Variants in CSMD3 observed in about 807,000 individuals in gnomAD.
CSMD3 encodes the protein CUB and Sushi multiple domains 3.
In CSMD3, 177 loss-of-function variants were observed where a neutral mutation model predicts 435.2. The ratio of observed to expected loss-of-function variants is 0.41; its 90% CI spans 0.36 to 0.46. The LOEUF (loss-of-function observed/expected upper bound fraction) is 0.46, where lower values mean the gene tolerates loss of function less well. Among genes scored for constraint, CSMD3 ranks in the 20% least tolerant of loss-of-function variants. The probability of loss-of-function intolerance (pLI) is 0.34; values close to 1 mark genes in which losing one functional copy is unlikely to be tolerated. For synonymous variants in CSMD3, 1,656 were observed against 1,520.5 expected (o/e 1.09, Z -2.07); for missense variants, 4,265 against 4,504.6 (o/e 0.95, Z 1.52).
intron 7 of CSMD3, among the ~76,000 whole-genome samples, chr8:112,975,278 T>G (rs2130928099): frequency 6.6e-6 from 1 of 152,182 alleles, no homozygotes; most frequent in South Asian, 2.1e-4. Context: ...AAATGAGAAA[T>G]CTTTCAATGC....
At position 112,336,678 on chromosome 8, in the gene CSMD3, TTC is replaced by T. The variant is rs761550231; in HGVS notation, c.6991_6992del (p.Glu2331ThrfsTer4). The T allele has an allele frequency of 6.2e-7, 1 of 1,612,288 alleles. No individual in the cohort carries two copies. Among genetic ancestry groups the T allele is most frequent in the Non-Finnish European group, 8.5e-7 (1 of 1,178,480 alleles). ...IYINFTVLQT[E>X]PIYDFITVWD... is the part of the protein sequence containing the mutation. ...ATACAGTAATGAAATCATATATTGG[TTC>T]TGTTTGAAGGACAGTAAAATTGATG... On this transcript the variant is annotated frameshift_variant, in exon 44 of 71. Transcript: ENST00000297405. LOFTEE classifies it high-confidence loss of function.
intron 13 of CSMD3, among the ~76,000 whole-genome samples, chr8:112,791,316 T>C (rs1405097870): frequency 2.5e-5 from 1 of 40,576 alleles, no homozygotes; most frequent in Non-Finnish European, 4.2e-5. Context: ...AGGCATATCC[T>C]GTGAAAAAAA....
At position 112,320,786 on chromosome 8, in the gene CSMD3, C is replaced by T. The variant is rs1822924974; in HGVS notation, c.7166-805G>A. On this transcript the variant is annotated intron_variant, in intron 45 of 70. Transcript: ENST00000297405. Reference sequence around the variant, plus strand: ...TGTTAAAGAGAGTTAAAAATTTGCCCAAATCAAGAAGCTATAACGTGACAG... The same window carrying T: ...TGTTAAAGAGAGTTAAAAATTTGCCTAAATCAAGAAGCTATAACGTGACAG... 2.0e-5 allele frequency among the ~76,000 whole-genome samples: 3 copies of T among 152,136 alleles called. No individual in the cohort carries two copies. In the South Asian group the frequency reaches 6.2e-4, roughly 32 times the overall value.
rs1352089535 is a variant in CSMD3 at position 113,030,829 on chromosome 8, G to GA, written c.918-11651dup. Reference sequence around the variant, plus strand: ...AATTCCCAAATGCAACTGTTAAAAAGAAAAAAATTCACAAAATAAGAGGAA... The same window carrying GA: ...AATTCCCAAATGCAACTGTTAAAAAGAAAAAAAATTCACAAAATAAGAGGAA... On this transcript the variant is annotated intron_variant, in intron 5 of 70. Transcript: ENST00000297405. 1.1e-4 allele frequency among the ~76,000 whole-genome samples: 17 copies of GA among 151,214 alleles called. 2 individuals carry two copies. The highest frequency in any genetic ancestry group is 2.1e-4 in the Non-Finnish European group (14 of 67,596).
intron 22 of CSMD3, among the ~76,000 whole-genome samples, chr8:112,604,099 G>T (rs77432967): frequency 0.02 from 2,990 of 151,948 alleles, 48 homozygotes; most frequent in Middle Eastern, 0.048. Context: ...TTTTCAAACT[G>T]CAATTTGCAA....
At chr8:113,404,473 C>G (rs999172796) in intron 1 of CSMD3, among the ~76,000 whole-genome samples, 1 of 151,310 alleles carries the variant, frequency 6.6e-6, no homozygotes, top group Non-Finnish European at 1.5e-5. Context: ...CTGCCTAGCA[C>G]CTAATTCAGT....
intron 1 of CSMD3, among the ~76,000 whole-genome samples, chr8:113,408,659 T>C (rs1234261435): frequency 6.6e-6 from 1 of 151,918 alleles, no homozygotes; most frequent in African/African-American, 2.4e-5. Context: ...CAAGGAGTTT[T>C]TTTTTTTTTT....
intron 31 of CSMD3, among the ~76,000 whole-genome samples, chr8:112,472,954 T>C (rs558583436): frequency 2.6e-5 from 4 of 152,266 alleles, no homozygotes; most frequent in African/African-American, 9.6e-5. Context: ...TATAATGGTG[T>C]TACCTAGAAA....
Position 113,039,548 on chromosome 8 carries a change from C to T in CSMD3, c.918-20369G>A, listed in dbSNP as rs577315602. ...TTATGGGATTGTCCCCTCCAGGATA[C>T]TAATCACACTAACTATAGTTCTCAT... On this transcript the variant is annotated intron_variant, in intron 5 of 70. Coordinates refer to ENST00000297405, the MANE Select transcript of CSMD3 (RefSeq NM_198123.2). 2.1e-4 allele frequency among the ~76,000 whole-genome samples: 32 copies of T among 152,236 alleles called. No homozygotes were observed. The South Asian group carries it at 6.4e-3, about 31-fold the overall frequency.
chr8:112,260,804 G>C (rs1461411550), intron 61 of CSMD3, among the ~76,000 whole-genome samples: 5 of 151,988 alleles, frequency 3.3e-5, no homozygotes, highest in Admixed American at 6.6e-5. Flanking sequence ...TAGAGACTCA[G>C]GTAGAAGGGT....
intron 9 of CSMD3, among the ~76,000 whole-genome samples, chr8:112,925,295 T>G (rs2130661021): frequency 6.6e-6 from 1 of 152,174 alleles, no homozygotes; most frequent in South Asian, 2.1e-4. Flanking sequence ...ATTTATCCAT[T>G]AAGAATTAAA....
At chr8:113,232,135 T>C (rs2093095700) in intron 3 of CSMD3, among the ~76,000 whole-genome samples, 1 of 151,580 alleles carries the variant, frequency 6.6e-6, no homozygotes, top group African/African-American at 2.4e-5. Context: ...GAAGTAAATG[T>C]ATTGCTGGGT....
chr8:113,219,331 T>C (rs989823402), intron 3 of CSMD3, among the ~76,000 whole-genome samples: 2 of 151,216 alleles, frequency 1.3e-5, no homozygotes, highest in Non-Finnish European at 3.0e-5. Flanking sequence ...TGGAAAACTT[T>C]AGAGAAGCAA....
chr8:112,418,565 T>C (rs1331883722), intron 32 of CSMD3, among the ~76,000 whole-genome samples: 2 of 152,100 alleles, frequency 1.3e-5, no homozygotes, highest in Non-Finnish European at 2.9e-5. Context: ...TTAAAGATTA[T>C]TACAAGATGT....
chr8:113,009,452 A>G (rs1327954755), intron 6 of CSMD3, among the ~76,000 whole-genome samples: 1 of 151,768 alleles, frequency 6.6e-6, no homozygotes, highest in African/African-American at 2.4e-5. Flanking sequence ...ATTCCTGGGA[A>G]TCTCTATTTC....
chr8:113,062,382 A>T lies in CSMD3; in HGVS notation c.917+36374T>A, dbSNP rs143607875. Among the ~76,000 whole-genome samples the T allele has an allele frequency of 1.6e-3, 236 of 152,042 alleles. 5 individuals are homozygous for T. The East Asian group carries it at 0.041, about 27-fold the overall frequency. On this transcript the variant is annotated intron_variant, in intron 5 of 70. Transcript: ENST00000297405. ...GGTAGTCTGCTAAACAAAATAGCTT[A>T]TTGCACTATAGAAACAGTTCAGTAT...
At chr8:113,292,873 G>C (rs926344224) in intron 2 of CSMD3, among the ~76,000 whole-genome samples, 3 of 151,548 alleles carry the variant, frequency 2.0e-5, no homozygotes, top group African/African-American at 7.3e-5. Flanking sequence ...AACAGAGAAG[G>C]AAAAGAAGGT....
chr8:112,564,038 G>T (rs1297668317), intron 24 of CSMD3, among the ~76,000 whole-genome samples: 3 of 151,832 alleles, frequency 2.0e-5, no homozygotes, highest in Non-Finnish European at 2.9e-5. Flanking sequence ...AACTAAAAAA[G>T]AATTTTTCAT....
chr8:112,876,216 C>A (rs530177870), intron 10 of CSMD3, among the ~76,000 whole-genome samples: 121 of 152,104 alleles, frequency 8.0e-4, no homozygotes, highest in African/African-American at 2.1e-3. Context: ...AAGACCAGGA[C>A]CAGACAGATT....
Sources: allele counts gnomAD v4.1 joint callset (sites outside exome capture counted in the v4.1 genomes callset), GRCh38; gene constraint gnomAD v4.1.1; transcripts MANE v1.5; gene names NCBI Gene and HGNC (gene_info 2026-07-23, HGNC 2026-07-21).